VPS13B: variants seen among roughly 807,000 people sequenced by gnomAD.
VPS13B encodes the protein intermembrane lipid transfer protein VPS13B.
A neutral mutation model predicts 426.4 loss-of-function variants in VPS13B; 285 were observed. The ratio of observed to expected loss-of-function variants is 0.67; its 90% CI spans 0.61 to 0.74. VPS13B has a LOEUF of 0.74. VPS13B is among the 30% of genes least tolerant of loss of function. The pLI, the probability that VPS13B is intolerant of heterozygous loss-of-function variation, is 0.00. For missense variants in VPS13B, 4,537 were observed against 4,782.6 expected (o/e 0.95, Z 1.51); for synonymous variants, 1,676 against 1,676.4 (o/e 1.00, Z 0.01).
intron 17 of VPS13B, among the ~76,000 whole-genome samples, chr8:99,198,343 TG>T (rs1316740227): frequency 7.9e-5 from 12 of 152,266 alleles, no homozygotes; most frequent in East Asian, 7.7e-4. Context: ...ACAATATTAA[TG>T]TTTTTTTTAA....
At chr8:99,378,980 A>G (rs2133282013) in intron 19 of VPS13B, among the ~76,000 whole-genome samples, 1 of 152,306 alleles carries the variant, frequency 6.6e-6, no homozygotes, top group African/African-American at 2.4e-5. Context: ...CTTGTTATGA[A>G]CTGGGCCACA....
chr8:99,825,566 C>T (rs2514677), intron 51 of VPS13B, among the ~76,000 whole-genome samples: 55,015 of 151,992 alleles, frequency 0.36, 10,184 homozygotes, highest in East Asian at 0.47. Flanking sequence ...CAGAAGCTCT[C>T]TAGTTTAATT....
At chr8:99,115,013 T>C (rs1408369817) in intron 6 of VPS13B, among the ~76,000 whole-genome samples, 2 of 152,194 alleles carry the variant, frequency 1.3e-5, no homozygotes, top group African/African-American at 4.8e-5. Context: ...TTCTTTGTTA[T>C]AATGGTTTCA....
chr8:99,118,916 G>A (rs1395986466), intron 7 of VPS13B, among the ~76,000 whole-genome samples: 1 of 152,192 alleles, frequency 6.6e-6, no homozygotes, highest in Non-Finnish European at 1.5e-5. Flanking sequence ...ATACTTAAGA[G>A]TGGAATTATA....
intron 33 of VPS13B, among the ~76,000 whole-genome samples, chr8:99,597,829 T>C (rs1473076719): frequency 6.6e-6 from 1 of 151,994 alleles, no homozygotes; most frequent in African/African-American, 2.4e-5. Context: ...TCCTTACTGA[T>C]CAGATGTTCT....
intron 19 of VPS13B, among the ~76,000 whole-genome samples, chr8:99,312,675 T>G (rs936395829): frequency 6.6e-6 from 1 of 152,176 alleles, no homozygotes; most frequent in African/African-American, 2.4e-5. Context: ...AGGAGTATCT[T>G]TGTGGCGTTC....
chr8:99,871,739 G>T, intron 61 of VPS13B, 42 bp downstream of exon 61: 2 of 1,611,272 alleles, frequency 1.2e-6, no homozygotes, highest in Non-Finnish European at 1.7e-6. Context: ...AGCTGGCCAG[G>T]GAGGTTGAGG....
chr8:99,745,727 T>G (rs547935320), intron 39 of VPS13B, among the ~76,000 whole-genome samples: 4 of 152,174 alleles, frequency 2.6e-5, no homozygotes, highest in Non-Finnish European at 4.4e-5. Flanking sequence ...AAACTCTGAG[T>G]CTAACCCATC....
At chr8:99,226,980 T>C (rs1816055962) in intron 17 of VPS13B, among the ~76,000 whole-genome samples, 1 of 152,306 alleles carries the variant, frequency 6.6e-6, no homozygotes, top group South Asian at 2.1e-4. Context: ...TTAGAACTTA[T>C]ACCTTCTGTC....
chr8:99,864,385 C>CA (rs1816989740), intron 58 of VPS13B, among the ~76,000 whole-genome samples: 1 of 151,940 alleles, frequency 6.6e-6, no homozygotes, highest in Non-Finnish European at 1.5e-5. Flanking sequence ...CCCATCTCTA[C>CA]AAAAATAAAA....
At chr8:99,619,401 T>C (rs1828254880) in intron 33 of VPS13B, among the ~76,000 whole-genome samples, 1 of 152,224 alleles carries the variant, frequency 6.6e-6, no homozygotes. Context: ...TAATGATTAA[T>C]GTCTGCATCA....
intron 35 of VPS13B, among the ~76,000 whole-genome samples, chr8:99,672,065 G>A (rs1830739543): frequency 1.3e-5 from 2 of 152,086 alleles, no homozygotes; most frequent in Non-Finnish European, 1.5e-5. Context: ...GATGCTTCTA[G>A]CTTTGTTCCT....
intron 27 of VPS13B, among the ~76,000 whole-genome samples, chr8:99,505,092 CT>C (rs1158723368): frequency 2.0e-5 from 3 of 152,220 alleles, no homozygotes; most frequent in Non-Finnish European, 2.9e-5. Context: ...AGCTTTCTTA[CT>C]TCTCTCAATT....
chr8:99,574,403 GT>G (rs1825658687), intron 31 of VPS13B, among the ~76,000 whole-genome samples: 1 of 152,108 alleles, frequency 6.6e-6, no homozygotes, highest in African/African-American at 2.4e-5. Flanking sequence ...AATGCTTCCA[GT>G]TTTTGCCCAT....
In VPS13B at chr8:99,809,362, T is replaced by G. The variant is rs761317351; in HGVS notation, c.7942-13T>G. On this transcript the variant is annotated splice_polypyrimidine_tract_variant and intron_variant, in intron 43 of 61. Transcript: ENST00000357162. Reference sequence around the variant, plus strand: ...ACGTTTGGCATTATGACGATTATTGTTTTTTTCTCCAGCTGTTACACATCT... The same window carrying G: ...ACGTTTGGCATTATGACGATTATTGGTTTTTTCTCCAGCTGTTACACATCT... 2.5e-6 allele frequency: 4 copies of G among 1,613,762 alleles called. No homozygotes were observed. The African/African-American group carries it at 5.3e-5, about 22-fold the overall frequency.
chr8:99,360,314 G>C (rs1812491780), intron 19 of VPS13B, among the ~76,000 whole-genome samples: 1 of 141,914 alleles, frequency 7.0e-6, no homozygotes, highest in East Asian at 2.1e-4. Flanking sequence ...GTCTCACTCT[G>C]TCACCCAGGA....
At chr8:99,020,448 A>T (rs1005623442) in intron 2 of VPS13B, among the ~76,000 whole-genome samples, 1 of 152,142 alleles carries the variant, frequency 6.6e-6, no homozygotes, top group African/African-American at 2.4e-5. Flanking sequence ...ATCTTACTCT[A>T]TAATAGTGTC....
At chr8:99,543,396 G>A (rs1187831058) in intron 30 of VPS13B, among the ~76,000 whole-genome samples, 8 of 151,964 alleles carry the variant, frequency 5.3e-5, no homozygotes, top group African/African-American at 1.9e-4. Flanking sequence ...CAGGACATAG[G>A]CATGGGCAAG....
chr8:99,178,347 C>T (rs866004960), intron 16 of VPS13B, among the ~76,000 whole-genome samples: 1 of 143,264 alleles, frequency 7.0e-6, no homozygotes, highest in African/African-American at 2.6e-5. Flanking sequence ...TTGGCGGTTC[C>T]CATATTCAAA....
Sources: allele counts gnomAD v4.1 joint callset (sites outside exome capture counted in the v4.1 genomes callset), GRCh38; gene constraint gnomAD v4.1.1; transcripts MANE v1.5; gene names NCBI Gene and HGNC (gene_info 2026-07-23, HGNC 2026-07-21).